Variants in BBS9 observed in about 807,000 individuals in gnomAD.
BBS9 encodes Bardet-Biedl syndrome 9, also known as protein PTHB1.
Under a neutral mutation model 117.7 loss-of-function variants are expected in BBS9, and 89 were observed. The ratio of observed to expected loss-of-function variants is 0.76; its 90% CI spans 0.64 to 0.90. The LOEUF is 0.90. Ranked by LOEUF, BBS9 falls within the 40% of genes least tolerant of loss-of-function variation. The pLI, the probability that BBS9 is intolerant of heterozygous loss-of-function variation, is 0.00. For synonymous variants in BBS9, 379 were observed against 370.9 expected (o/e 1.02, Z -0.25); for missense variants, 982 against 1,042.2 (o/e 0.94, Z 0.80).
intron 17 of BBS9, among the ~76,000 whole-genome samples, chr7:33,371,568 C>T (rs747856931): frequency 3.3e-5 from 5 of 151,690 alleles, no homozygotes; most frequent in African/African-American, 9.7e-5. Context: ...ATCATAAGTC[C>T]GTGAAGAAGA....
chr7:33,382,104 A>G (rs1053907854), intron 17 of BBS9, among the ~76,000 whole-genome samples: 3 of 152,156 alleles, frequency 2.0e-5, no homozygotes, highest in African/African-American at 7.2e-5. Context: ...ACATCTGCAT[A>G]ATAGATGGTC....
intron 4 of BBS9, among the ~76,000 whole-genome samples, chr7:33,163,184 TG>T (rs1426909465): frequency 1.3e-5 from 2 of 152,222 alleles, no homozygotes; most frequent in African/African-American, 4.8e-5. Context: ...GAAGCTGACT[TG>T]ATCGTGGTGG....
At chr7:33,578,698 T>C (rs1181832004) in intron 21 of BBS9, among the ~76,000 whole-genome samples, 3 of 152,134 alleles carry the variant, frequency 2.0e-5, no homozygotes, top group African/African-American at 7.2e-5. Flanking sequence ...CAGGTAGGAA[T>C]TTATGCTTTT....
At chr7:33,162,040 G>A (rs1262202319) in intron 4 of BBS9, among the ~76,000 whole-genome samples, 1 of 152,122 alleles carries the variant, frequency 6.6e-6, no homozygotes, top group Non-Finnish European at 1.5e-5. Context: ...CAGATGGGTA[G>A]ATTGCAAAAA....
chr7:33,403,411 C>T (rs948827129), intron 19 of BBS9, among the ~76,000 whole-genome samples: 1 of 149,878 alleles, frequency 6.7e-6, no homozygotes, highest in African/African-American at 2.5e-5. Flanking sequence ...GTGTGCTGCA[C>T]CCATTAACTC....
At chr7:33,203,602 G>C (rs888829891) in intron 5 of BBS9, among the ~76,000 whole-genome samples, 1 of 152,138 alleles carries the variant, frequency 6.6e-6, no homozygotes, top group African/African-American at 2.4e-5. Context: ...TCTCATATAG[G>C]AGCCACAGGA....
intron 4 of BBS9, among the ~76,000 whole-genome samples, chr7:33,170,718 C>T (rs913250389): frequency 7.4e-5 from 11 of 147,844 alleles, no homozygotes; most frequent in Non-Finnish European, 1.5e-4. Flanking sequence ...TGTCTCAGCC[C>T]AAAATCTCCT....
intron 20 of BBS9, among the ~76,000 whole-genome samples, chr7:33,531,316 G>A (rs1010848067): frequency 3.3e-5 from 5 of 152,164 alleles, no homozygotes; most frequent in Non-Finnish European, 7.3e-5. Context: ...GTGTGGCAAA[G>A]ACCTGGGGCT....
intron 21 of BBS9, among the ~76,000 whole-genome samples, chr7:33,593,592 C>A (rs1039084987): frequency 3.9e-5 from 6 of 152,090 alleles, no homozygotes; most frequent in African/African-American, 1.4e-4. Flanking sequence ...TTTTACAGTA[C>A]CTTCTCACCA....
intron 19 of BBS9, among the ~76,000 whole-genome samples, chr7:33,432,147 C>T (rs1459529671): frequency 3.4e-5 from 5 of 149,156 alleles, no homozygotes; most frequent in African/African-American, 9.9e-5. Flanking sequence ...TGCAGTGGTG[C>T]GATCTCGTCT....
At chr7:33,490,981 C>T (rs185335560) in intron 19 of BBS9, among the ~76,000 whole-genome samples, 137 of 152,228 alleles carry the variant, frequency 9.0e-4, no homozygotes, top group Middle Eastern at 3.4e-3. Context: ...CCACCAGTTT[C>T]GTCACAGCCA....
downstream of BBS9, among the ~76,000 whole-genome samples, chr7:33,607,907 T>C (rs1014796920): frequency 6.6e-6 from 1 of 151,936 alleles, no homozygotes; most frequent in African/African-American, 2.4e-5. Context: ...TAATTTCAAC[T>C]TTTATTTTAA....
intron 5 of BBS9, among the ~76,000 whole-genome samples, chr7:33,216,545 T>A (rs1329983936): frequency 6.6e-6 from 1 of 152,150 alleles, no homozygotes; most frequent in Non-Finnish European, 1.5e-5. Context: ...CCTGATCTTT[T>A]AAAAAAAGAA....
At chr7:33,562,577 C>T (rs1856246772) in intron 21 of BBS9, among the ~76,000 whole-genome samples, 1 of 152,116 alleles carries the variant, frequency 6.6e-6, no homozygotes, top group African/African-American at 2.4e-5. Context: ...AACAGCTAAC[C>T]TGTGAAAGCT....
intron 4 of BBS9, among the ~76,000 whole-genome samples, chr7:33,175,650 T>C (rs1797237700): frequency 6.6e-6 from 1 of 152,162 alleles, no homozygotes; most frequent in Non-Finnish European, 1.5e-5. Flanking sequence ...GTCTGGTCAG[T>C]TGGCTGCCTA....
At chr7:33,541,062 T>A (rs558755290) in intron 21 of BBS9, among the ~76,000 whole-genome samples, 1 of 152,212 alleles carries the variant, frequency 6.6e-6, no homozygotes, top group African/African-American at 2.4e-5. Context: ...GTCTCCTGAC[T>A]ATTGGTTTTC....
At chr7:33,368,612 A>ACACC (rs1554445046) in intron 17 of BBS9, among the ~76,000 whole-genome samples, 2 of 145,702 alleles carry the variant, frequency 1.4e-5, no homozygotes, top group African/African-American at 5.2e-5. Context: ...ACACACACAC[A>ACACC]CACACCCATA....
chr7:33,618,378 A>G (rs185557508), intron 21 of BBS9, among the ~76,000 whole-genome samples: 105 of 152,232 alleles, frequency 6.9e-4, no homozygotes, highest in Non-Finnish European at 2.9e-4. Flanking sequence ...AACTGACAAT[A>G]TGAAAACCTA....
intron 21 of BBS9, among the ~76,000 whole-genome samples, chr7:33,553,448 A>G (rs942649017): frequency 9.9e-5 from 15 of 152,166 alleles, no homozygotes; most frequent in African/African-American, 3.6e-4. Context: ...TGACCTGTCT[A>G]CTATATATTT....
Sources: gnomAD v4.1 joint callset for allele counts (sites outside exome capture counted in the v4.1 genomes callset) on GRCh38, gnomAD v4.1.1 for gene constraint, MANE v1.5 for transcripts, NCBI Gene and HGNC (gene_info 2026-07-23, HGNC 2026-07-21) for gene names.